The following MUC12 variants were observed in gnomAD, a reference collection of about 807,000 sequenced individuals.
MUC12 encodes mucin-12.
A neutral mutation model predicts 230.8 loss-of-function variants in MUC12; 172 were observed. The ratio of observed to expected loss-of-function variants is 0.75; its 90% CI spans 0.66 to 0.85. The LOEUF is 0.85. MUC12 is among the 40% of genes least tolerant of loss of function. The pLI is 0.00. For missense variants in MUC12, 3,506 were observed against 5,920.6 expected (o/e 0.59, Z 13.38); for synonymous variants, 1,259 against 2,401.9 (o/e 0.52, Z 13.91).
chr7:101,014,203 G>A lies in MUC12; in HGVS notation c.15800+129G>A, dbSNP rs1037488523. 131 of 1,150,498 alleles carry A rather than the reference G, an allele frequency of 1.1e-4. No homozygotes were observed. In the Middle Eastern group the frequency reaches 2.4e-3, roughly 21 times the overall value. The allele number at this position is 1,150,498 out of a possible 1,614,324, so 71.3% of individuals were successfully genotyped here. ...CAGAGAGGTCAGCTGAGGCCAGATG[G>A]GGTGCCCAGACCCTCCCAGCCCTGG... is the stretch of plus-strand genomic sequence containing the variant. On this transcript the variant is annotated intron_variant, in intron 9 of 11. Transcript: ENST00000536621.
chr7:101,004,597 C>T lies in MUC12; in HGVS notation c.14034C>T (p.Gly4678=), dbSNP rs770765688. 85 of 1,536,902 alleles carry T rather than the reference C, an allele frequency of 5.5e-5. No individual in the cohort carries two copies. In the East Asian group the frequency reaches 1.7e-3, roughly 31 times the overall value. The change falls in exon 2 of 12, where the codon GGC becomes GGT. Residue 4678 remains glycine (G), a synonymous_variant. Coordinates refer to ENST00000536621, the MANE Select transcript of MUC12 (RefSeq NM_001164462.2). ...TTCCTGAGAGCTCCACAACCTCCGG[C>T]CGTAGTGAGGAATCAACAGCATCCC... The part of the protein sequence containing the change: ...THFPESSTTS[G]RSEESTASHS...
At chr7:101,007,218 C>G (rs1458060170) in intron 3 of MUC12, among the ~76,000 whole-genome samples, 2 of 152,214 alleles carry the variant, frequency 1.3e-5, no homozygotes. Context: ...CTCGGCCTCC[C>G]AAAGTGCTGG....
At chr7:100,990,140 C>T (rs112411775) in intron 1 of MUC12, among the ~76,000 whole-genome samples, 65 of 152,328 alleles carry the variant, frequency 4.3e-4, no homozygotes, top group Non-Finnish European at 7.2e-4. Context: ...AGAACTGGTC[C>T]GTGGCCTGTC....
chr7:100,981,298 C>T, intron 1 of MUC12: 2 of 493,370 alleles, frequency 4.1e-6, no homozygotes, highest in South Asian at 6.0e-5. Flanking sequence ...GACACCGTTG[C>T]CACCAGAATC....
At position 101,012,463 on chromosome 7, in the gene MUC12, AC is replaced by A; in HGVS notation, c.15403+20del. The A allele has an allele frequency of 2.6e-6, 4 of 1,536,494 alleles. No individual in the cohort carries two copies. In the South Asian group the frequency reaches 4.8e-5, roughly 18 times the overall value. ...TCCTGCAGAAGTAAGCTCACCTAAA[AC>A]CCCTTGACACCTGTGGGTGTCTTGG... On this transcript the variant is annotated intron_variant, in intron 6 of 11. Transcript: ENST00000536621.
In MUC12 at chr7:100,991,492, G is replaced by A; in HGVS notation, c.929G>A (p.Ser310Asn). ...KLSTTYHSSP[S>N]STPTTHFSAS... Reference sequence around the variant, plus strand: ...TCTACAACTTATCACAGCAGCCCGAGCTCAACTCCAACAACCCACTTTTCT... The same window carrying A: ...TCTACAACTTATCACAGCAGCCCGAACTCAACTCCAACAACCCACTTTTCT... Residue 310 changes from serine (S) to asparagine (N), a missense_variant, in exon 2 of 12, where the codon AGC (serine) becomes AAC (asparagine). Physicochemically the swap from Ser to Asn is conservative, Grantham distance 46. Coordinates refer to ENST00000536621, the MANE Select transcript of MUC12 (RefSeq NM_001164462.2). The A allele has an allele frequency of 6.5e-7, 1 of 1,537,238 alleles. No individual in the cohort carries two copies. Among genetic ancestry groups the A allele is most frequent in the Non-Finnish European group, 8.7e-7 (1 of 1,146,696 alleles).
At chr7:100,985,291 G>C (rs982071579) in intron 1 of MUC12, among the ~76,000 whole-genome samples, 1 of 152,144 alleles carries the variant, frequency 6.6e-6, no homozygotes, top group Non-Finnish European at 1.5e-5. Flanking sequence ...CCTGGGTGGG[G>C]GCCACAAGAT....
chr7:100,981,624 T>C (rs1358781314), intron 1 of MUC12: 1 of 423,886 alleles, frequency 2.4e-6, no homozygotes, highest in Non-Finnish European at 4.2e-6. Context: ...CGAGGGCAAC[T>C]GTTGTGGAGA....
intron 1 of MUC12, among the ~76,000 whole-genome samples, chr7:100,978,600 G>A (rs1453770035): frequency 1.3e-5 from 2 of 152,118 alleles, no homozygotes; most frequent in Non-Finnish European, 2.9e-5. Flanking sequence ...TCCCCACACT[G>A]CCACTGCCTC....
Position 101,018,610 on chromosome 7 carries a change from C to T in MUC12, c.15982C>T (p.Pro5328Ser). ...DSGTELHIQR[P>S]EMVASTV ...CGTCCCCCAGCTCCACATCCAGAGG[C>T]CGGAGATGGTAGCATCCACTGTGTG... Residue 5328 changes from proline to serine, a missense_variant, in exon 12 of 12, where the codon CCG becomes TCG. By Grantham distance (74) the Pro-to-Ser change is moderately conservative. Coordinates refer to ENST00000536621, the MANE Select transcript of MUC12 (RefSeq NM_001164462.2). 6.5e-7 allele frequency: 1 copy of T among 1,536,140 alleles called. No homozygotes were observed. The highest frequency in any genetic ancestry group is 8.7e-7 in the Non-Finnish European group (1 of 1,146,312).
Position 100,992,556 on chromosome 7 carries a change from C to T in MUC12, c.1993C>T (p.Pro665Ser). ...VEPSTTSHGS[P>S]SSIPTTHISA... ...GCCATCTACAACCTCCCACGGCAGC[C>T]CGAGCTCAATTCCAACAACCCACAT... Residue 665 changes from proline (P) to serine (S), a missense_variant, in exon 2 of 12, where the codon CCG (proline) becomes TCG (serine). Coordinates refer to ENST00000536621, the MANE Select transcript of MUC12 (RefSeq NM_001164462.2). 2.6e-6 allele frequency: 4 copies of T among 1,537,986 alleles called. No homozygotes were observed. The highest frequency in any genetic ancestry group is 3.5e-6 in the Non-Finnish European group (4 of 1,147,078).
At position 101,004,964 on chromosome 7, in the gene MUC12, C is replaced by G. The variant is rs1320000136; in HGVS notation, c.14401C>G (p.Pro4801Ala). 2 of 1,537,644 alleles carry G rather than the reference C, an allele frequency of 1.3e-6. No individual in the cohort carries two copies. The highest frequency in any genetic ancestry group is 2.0e-5 in the Admixed American group (1 of 50,976). Residue 4801 changes from proline (P) to alanine (A), a missense_variant, in exon 2 of 12, where the codon CCA becomes GCA. Physicochemically the swap from Pro to Ala is conservative, Grantham distance 27. Coordinates refer to ENST00000536621, the MANE Select transcript of MUC12 (RefSeq NM_001164462.2). The stretch of plus-strand genomic sequence containing the variant: ...GGAATCAACAACTTTCCACAGTAAG[C>G]CAGGCTCAACTGAGACAACACTGTC... ...SQESTTFHSKPGSTETTLSPG... is the reference protein window; with the variant it reads ...SQESTTFHSKAGSTETTLSPG...
chr7:101,004,592 T>G lies in MUC12; in HGVS notation c.14029T>G (p.Ser4677Ala). The change falls in exon 2 of 12, where the codon TCC (serine) becomes GCC (alanine). Residue 4677 changes from serine (S) to alanine (A), a missense_variant. Coordinates refer to ENST00000536621, the MANE Select transcript of MUC12 (RefSeq NM_001164462.2). Reference sequence around the variant, plus strand: ...ACACTTTCCTGAGAGCTCCACAACCTCCGGCCGTAGTGAGGAATCAACAGC... The same window carrying G: ...ACACTTTCCTGAGAGCTCCACAACCGCCGGCCGTAGTGAGGAATCAACAGC... The part of the protein sequence containing the change: ...TTHFPESSTT[S>A]GRSEESTASH... 2 of 1,536,642 alleles carry G rather than the reference T, an allele frequency of 1.3e-6. No individual in the cohort carries two copies. Among genetic ancestry groups the G allele is most frequent in the East Asian group, 2.4e-5 (1 of 40,902 alleles).
chr7:100,988,949 A>C (rs961369065), intron 1 of MUC12, among the ~76,000 whole-genome samples: 1 of 152,036 alleles, frequency 6.6e-6, no homozygotes, highest in Non-Finnish European at 1.5e-5. Context: ...CTTGGCTCTC[A>C]TTCTCTCTCT....
chr7:100,991,873 C>G lies in MUC12; in HGVS notation c.1310C>G (p.Ser437Ter). Reference protein sequence around the residue: ...SSTISGRSEESKASHSSPDAM... With the variant: ...SSTISGRSEE ...ACAATCTCAGGCCGTAGTGAGGAATCAAAAGCATCCCACAGCAGCCCAGAT... is the reference window on the plus strand; with the variant it reads ...ACAATCTCAGGCCGTAGTGAGGAATGAAAAGCATCCCACAGCAGCCCAGAT... The change falls in exon 2 of 12, where the codon TCA becomes TGA. Residue 437 changes from serine to a stop codon, truncating the protein, a stop_gained. Transcript: ENST00000536621. LOFTEE classifies it high-confidence loss of function. 2.6e-6 allele frequency: 4 copies of G among 1,537,708 alleles called. No individual in the cohort carries two copies. The highest frequency in any genetic ancestry group is 3.5e-6 in the Non-Finnish European group (4 of 1,146,836).
At position 101,003,298 on chromosome 7, in the gene MUC12, A is replaced by G. The variant is rs1793649206; in HGVS notation, c.12735A>G (p.Thr4245=). 6.6e-7 allele frequency: 1 copy of G among 1,521,942 alleles called. No homozygotes were observed. The highest frequency in any genetic ancestry group is 1.5e-5 in the African/African-American group (1 of 66,304). The allele number at this position is 1,521,942 out of a possible 1,614,324, so 94.3% of individuals were successfully genotyped here. A position where few individuals can be genotyped will look rare whatever the true frequency, so the allele number is the denominator to read the frequency against. The part of the protein sequence containing the change: ...TTMPGVSQES[T]ASHSSPGSTD... Reference sequence around the variant, plus strand: ...TGCCAGGCGTCAGTCAGGAATCTACAGCTTCCCACAGCAGCCCAGGCTCCA... The same window carrying G: ...TGCCAGGCGTCAGTCAGGAATCTACGGCTTCCCACAGCAGCCCAGGCTCCA... Residue 4245 remains threonine, a synonymous_variant, in exon 2 of 12, where the codon ACA becomes ACG. Coordinates refer to ENST00000536621, the MANE Select transcript of MUC12 (RefSeq NM_001164462.2).
At chr7:101,018,063 CT>C (rs1793969708) in intron 11 of MUC12, among the ~76,000 whole-genome samples, 1 of 182 alleles carries the variant, frequency 5.5e-3, no homozygotes, top group Non-Finnish European at 8.1e-3. Flanking sequence ...TCCCTTCCCC[CT>C]GGGACTCCCT....
At chr7:101,011,749 A>T (rs1197017986) in intron 5 of MUC12, among the ~76,000 whole-genome samples, 1 of 152,178 alleles carries the variant, frequency 6.6e-6, no homozygotes, top group Non-Finnish European at 1.5e-5. Context: ...AAGGCTAAAT[A>T]ATATTCCACA....
In MUC12 at chr7:100,969,693, A is replaced by C; in HGVS notation, c.67+4A>C. On this transcript the variant is annotated splice_donor_region_variant and intron_variant, in intron 1 of 11. Coordinates refer to ENST00000536621, the MANE Select transcript of MUC12 (RefSeq NM_001164462.2). ...TCCGTTACTACAGTGACACCAGGTG[A>C]GTGCTCCTGGGCTGATGCTCCAGGT... 1 of 1,537,200 alleles carries C rather than the reference A, an allele frequency of 6.5e-7. No individual in the cohort carries two copies. Among genetic ancestry groups the C allele is most frequent in the Non-Finnish European group, 8.7e-7 (1 of 1,146,868 alleles).
Sources: allele counts gnomAD v4.1 joint callset (sites outside exome capture counted in the v4.1 genomes callset), GRCh38; gene constraint gnomAD v4.1.1; transcripts MANE v1.5; gene names NCBI Gene and HGNC (gene_info 2026-07-23, HGNC 2026-07-21).